PLXDC2: variants seen among roughly 807,000 people sequenced by gnomAD.
PLXDC2 encodes the protein plexin domain-containing protein 2.
In PLXDC2, 40 loss-of-function variants were observed where a neutral mutation model predicts 68.9. The observed-to-expected ratio is 0.58, with a 90% CI of 0.45 to 0.76. PLXDC2 has a LOEUF of 0.76. PLXDC2 is among the 30% of genes least tolerant of loss of function. The pLI is 0.00. For missense variants in PLXDC2, 644 were observed against 661.9 expected, an observed-to-expected ratio of 0.97 and a Z score of 0.30; for synonymous variants, 243 against 234.2, an observed-to-expected ratio of 1.04 and a Z score of -0.34.
chr10:19,973,510 A>C (rs944194824), intron 1 of PLXDC2, among the ~76,000 whole-genome samples: 2 of 152,088 alleles, frequency 1.3e-5, no homozygotes, highest in East Asian at 3.9e-4. Context: ...TCCACTTCTA[A>C]TTGGAATTTC....
At chr10:19,962,493 C>T (rs1259059602) in intron 1 of PLXDC2, among the ~76,000 whole-genome samples, 4 of 147,714 alleles carry the variant, frequency 2.7e-5, no homozygotes, top group African/African-American at 9.9e-5. Context: ...AGGTTTCACG[C>T]CATTCTCCCG....
At chr10:20,209,172 A>G (rs550057196) in intron 9 of PLXDC2, among the ~76,000 whole-genome samples, 1 of 152,270 alleles carries the variant, frequency 6.6e-6, no homozygotes, top group East Asian at 1.9e-4. Context: ...ATTAGGTGGG[A>G]ATTTCCTCAT....
intron 1 of PLXDC2, among the ~76,000 whole-genome samples, chr10:19,965,019 T>C (rs1282835326): frequency 6.6e-6 from 1 of 152,220 alleles, no homozygotes; most frequent in African/African-American, 2.4e-5. Context: ...AGAGACAATA[T>C]TTAATTTATG....
intron 4 of PLXDC2, among the ~76,000 whole-genome samples, chr10:20,069,175 T>C (rs1836273945): frequency 6.6e-6 from 1 of 152,154 alleles, no homozygotes; most frequent in Non-Finnish European, 1.5e-5. Context: ...TGCCATACTT[T>C]AATATAAGAC....
At chr10:20,207,194 C>A (rs917184597) in intron 9 of PLXDC2, among the ~76,000 whole-genome samples, 2 of 152,102 alleles carry the variant, frequency 1.3e-5, no homozygotes, top group African/African-American at 4.8e-5. Flanking sequence ...TAGTAAATTT[C>A]AATTAATAAG....
At chr10:19,838,185 A>G (rs905662007) in intron 1 of PLXDC2, among the ~76,000 whole-genome samples, 6 of 151,944 alleles carry the variant, frequency 3.9e-5, no homozygotes, top group Non-Finnish European at 7.4e-5. Flanking sequence ...CTGGTCTCAA[A>G]CTTTTGGGCT....
At chr10:19,962,050 C>T (rs376572033) in intron 1 of PLXDC2, among the ~76,000 whole-genome samples, 4 of 151,982 alleles carry the variant, frequency 2.6e-5, no homozygotes, top group African/African-American at 9.7e-5. Flanking sequence ...TTTTTAGTGA[C>T]GATATTTATT....
intron 4 of PLXDC2, among the ~76,000 whole-genome samples, chr10:20,141,656 T>G (rs962702726): frequency 3.9e-5 from 6 of 152,024 alleles, no homozygotes; most frequent in African/African-American, 1.2e-4. Context: ...GGAGAAAAAA[T>G]AGAGACCCTG....
intron 1 of PLXDC2, among the ~76,000 whole-genome samples, chr10:19,943,400 G>A (rs575281010): frequency 2.0e-5 from 3 of 152,278 alleles, no homozygotes; most frequent in Admixed American, 1.3e-4. Context: ...AATGTAAGGA[G>A]TTTTATGTCT....
At chr10:19,923,397 C>T (rs139918443) in intron 1 of PLXDC2, among the ~76,000 whole-genome samples, 183 of 152,228 alleles carry the variant, frequency 1.2e-3, no homozygotes, top group Admixed American at 2.6e-3. Context: ...TTAGAATTAA[C>T]ACAGGGTTTA....
intron 1 of PLXDC2, among the ~76,000 whole-genome samples, chr10:19,960,140 T>C (rs1185751034): frequency 6.7e-6 from 1 of 149,002 alleles, no homozygotes; most frequent in East Asian, 2.0e-4. Context: ...GAAGGATTGC[T>C]TGAGCCTCAA....
rs7912742 is a variant in PLXDC2, at chr10:20,184,496, A to T, written c.1061+7087A>T. Among the ~76,000 whole-genome samples the T allele has an allele frequency of 2.6e-5, 4 of 151,658 alleles. No homozygotes were observed. In the South Asian group the frequency reaches 8.3e-4, roughly 31 times the overall value. ...TTTATCAAGTCAGAAATGTTGGCTA[A>T]TTGGTTAATAATATGAAAATGTATT... On this transcript the variant is annotated intron_variant, in intron 9 of 13. Transcript: ENST00000377252.
chr10:20,130,924 T>A (rs562317340), intron 4 of PLXDC2, among the ~76,000 whole-genome samples: 1 of 152,320 alleles, frequency 6.6e-6, no homozygotes, highest in South Asian at 2.1e-4. Flanking sequence ...TCAGGGATAT[T>A]GACCTGTAGT....
chr10:19,958,076 T>C (rs1834099329), intron 1 of PLXDC2, among the ~76,000 whole-genome samples: 1 of 152,016 alleles, frequency 6.6e-6, no homozygotes, highest in Non-Finnish European at 1.5e-5. Context: ...TTGTTGTTCA[T>C]TGCATCTAGT....
At chr10:20,077,962 G>A (rs1286700192) in intron 4 of PLXDC2, among the ~76,000 whole-genome samples, 3 of 151,544 alleles carry the variant, frequency 2.0e-5, no homozygotes, top group Non-Finnish European at 4.4e-5. Context: ...CTTCTTTGAA[G>A]CATGGTAATC....
At chr10:19,946,363 T>C (rs1345815355) in intron 1 of PLXDC2, among the ~76,000 whole-genome samples, 1 of 152,108 alleles carries the variant, frequency 6.6e-6, no homozygotes, top group Non-Finnish European at 1.5e-5. Context: ...TCCAACCAAA[T>C]TAAATATGTT....
intron 1 of PLXDC2, among the ~76,000 whole-genome samples, chr10:19,897,003 A>G (rs75066382): frequency 6.6e-6 from 1 of 151,880 alleles, no homozygotes; most frequent in Non-Finnish European, 1.5e-5. Flanking sequence ...TTCCCTAAAA[A>G]TGGGAAATTT....
At chr10:20,045,750 C>T (rs1835786355) in intron 2 of PLXDC2, among the ~76,000 whole-genome samples, 1 of 152,070 alleles carries the variant, frequency 6.6e-6, no homozygotes, top group Admixed American at 6.6e-5. Flanking sequence ...ACATCCCAAA[C>T]CTTATTATTC....
At chr10:20,164,355 G>C (rs1313476969) in intron 6 of PLXDC2, 113 bp from the exon 7 acceptor site, 5 of 857,526 alleles carry the variant, frequency 5.8e-6, no homozygotes, top group African/African-American at 1.7e-5. Flanking sequence ...TCCCTTTCTA[G>C]TCTTTTATCT....
Sources: gnomAD v4.1 joint callset for allele counts (sites outside exome capture counted in the v4.1 genomes callset) on GRCh38, gnomAD v4.1.1 for gene constraint, MANE v1.5 for transcripts, NCBI Gene and HGNC (gene_info 2026-07-23, HGNC 2026-07-21) for gene names.